NSG2: variants seen among roughly 807,000 people sequenced by gnomAD.
The protein encoded by NSG2 is neuronal vesicle trafficking-associated protein 2.
NSG2 carries 4 observed loss-of-function variants against 16.9 expected under a neutral mutation model. The observed-to-expected ratio is 0.24, with a 90% CI of 0.12 to 0.54. The LOEUF is 0.54. NSG2 is among the 20% of genes least tolerant of loss of function. The pLI is 0.95. For synonymous variants in NSG2, 98 were observed against 88.7 expected, an observed-to-expected ratio of 1.11 and a Z score of -0.59; for missense variants, 179 against 221.1, an observed-to-expected ratio of 0.81 and a Z score of 1.21.
intron 3 of NSG2, among the ~76,000 whole-genome samples, chr5:174,092,889 C>G (rs1424215761): frequency 6.6e-6 from 1 of 152,106 alleles, no homozygotes; most frequent in Non-Finnish European, 1.5e-5. Context: ...AAGATTTAAG[C>G]TGGGATCCAT....
intron 3 of NSG2, among the ~76,000 whole-genome samples, chr5:174,083,945 CA>C (rs1323016779): frequency 7.9e-5 from 12 of 152,252 alleles, no homozygotes; most frequent in Non-Finnish European, 1.6e-4. Flanking sequence ...AGATAGGGGC[CA>C]TTTGTGTGTC....
intron 2 of NSG2, among the ~76,000 whole-genome samples, chr5:174,057,857 C>T (rs28686838): frequency 0.021 from 3,164 of 152,200 alleles, 120 homozygotes; most frequent in African/African-American, 0.072. Flanking sequence ...TATTGTCTCT[C>T]CCTCGATCTA....
In NSG2 at chr5:174,064,235, A is replaced by G; in HGVS notation, c.133A>G (p.Ile45Val). The part of the protein sequence containing the change: ...HLQLPAPEKV[I>V]VKTRTEYQPE... ...ACACACTGGTTGACTCTTTCAGGTG[A>G]TTGTGAAGACAAGAACGGAATATCA... Residue 45 changes from isoleucine to valine, a missense_variant, in exon 3 of 5, where the codon ATT (isoleucine) becomes GTT (valine). Ile to Val is a conservative substitution (Grantham distance 29). Coordinates refer to ENST00000303177, the MANE Select transcript of NSG2 (RefSeq NM_015980.5). The G allele has an allele frequency of 3.1e-6, 5 of 1,607,380 alleles. No individual in the cohort carries two copies. The highest frequency in any genetic ancestry group is 4.3e-6 in the Non-Finnish European group (5 of 1,175,620).
intron 3 of NSG2, among the ~76,000 whole-genome samples, chr5:174,070,485 A>T (rs1760219835): frequency 6.6e-6 from 1 of 151,858 alleles, no homozygotes; most frequent in African/African-American, 2.4e-5. Context: ...CCAAGCTGTG[A>T]CCTTCCTGCC....
intron 3 of NSG2, among the ~76,000 whole-genome samples, chr5:174,101,582 C>T (rs905067092): frequency 3.9e-5 from 6 of 152,222 alleles, no homozygotes. Flanking sequence ...TTCTTTGGCT[C>T]AGCATCACGT....
At chr5:174,059,282 T>C (rs1760013037) in intron 2 of NSG2, among the ~76,000 whole-genome samples, 2 of 152,220 alleles carry the variant, frequency 1.3e-5, no homozygotes, top group Admixed American at 6.5e-5. Flanking sequence ...GTATATGTAG[T>C]ATAGCGGTGA....
At chr5:174,106,882 C>A (rs12514077) in intron 4 of NSG2, among the ~76,000 whole-genome samples, 1 of 151,820 alleles carries the variant, frequency 6.6e-6, no homozygotes, top group African/African-American at 2.4e-5. Context: ...CGTGAGCCAC[C>A]GCATCCGGCA....
intron 4 of NSG2, among the ~76,000 whole-genome samples, chr5:174,105,855 G>A (rs1244491363): frequency 9.9e-5 from 15 of 152,106 alleles, no homozygotes; most frequent in Non-Finnish European, 1.3e-4. Flanking sequence ...AGCCGAGGCC[G>A]CGCCATTGCA....
chr5:174,077,014 A>G (rs570268528), intron 3 of NSG2, among the ~76,000 whole-genome samples: 3 of 152,274 alleles, frequency 2.0e-5, no homozygotes, highest in African/African-American at 7.2e-5. Flanking sequence ...TCTCCCAGAG[A>G]TTTGAAGCCT....
At chr5:174,061,589 A>G (rs562446594) in intron 2 of NSG2, among the ~76,000 whole-genome samples, 127 of 152,150 alleles carry the variant, frequency 8.3e-4, no homozygotes, top group Non-Finnish European at 1.4e-3. Context: ...GGAAACTTCT[A>G]TTCATCTTCC....
chr5:174,090,937 C>A (rs1760711759), intron 3 of NSG2, among the ~76,000 whole-genome samples: 1 of 152,178 alleles, frequency 6.6e-6, no homozygotes, highest in African/African-American at 2.4e-5. Flanking sequence ...CACTGGAATG[C>A]CTAGCAGTGC....
intron 2 of NSG2, among the ~76,000 whole-genome samples, chr5:174,059,551 CAT>C (rs1213060513): frequency 3.3e-5 from 5 of 152,142 alleles, no homozygotes; most frequent in Admixed American, 6.5e-5. Flanking sequence ...TCTTGGAAGA[CAT>C]GTGTATCAGA....
chr5:174,070,902 C>T (rs1760227906), intron 3 of NSG2, among the ~76,000 whole-genome samples: 1 of 152,218 alleles, frequency 6.6e-6, no homozygotes, highest in Non-Finnish European at 1.5e-5. Flanking sequence ...ATGGAGCAGG[C>T]TTTGGGTGTG....
chr5:174,086,595 T>C (rs935613905), intron 3 of NSG2: 2 of 152,260 alleles, frequency 1.3e-5, no homozygotes, highest in Non-Finnish European at 2.9e-5. Flanking sequence ...CCAGGCCAGG[T>C]TGGCTCCTTT....
At chr5:174,065,808 T>G (rs1366075064) in intron 3 of NSG2, among the ~76,000 whole-genome samples, 3 of 152,214 alleles carry the variant, frequency 2.0e-5, no homozygotes, top group Non-Finnish European at 4.4e-5. Context: ...TTATCCTAGC[T>G]GTGTGGCCAC....
intron 2 of NSG2, among the ~76,000 whole-genome samples, chr5:174,061,493 G>A (rs1760050537): frequency 6.6e-6 from 1 of 152,240 alleles, no homozygotes; most frequent in Non-Finnish European, 1.5e-5. Flanking sequence ...GCAAGTTCTT[G>A]TAGATCACAT....
chr5:174,066,288 A>G lies in NSG2; in HGVS notation c.213+1973A>G, dbSNP rs139217590. On this transcript the variant is annotated intron_variant, in intron 3 of 4. Transcript: ENST00000303177. ...CTTGCAGGAATAAGCAGGTACCTGCATGAATGAGCACAGAGCTTGCAGGAG... is the reference window on the plus strand; with the variant it reads ...CTTGCAGGAATAAGCAGGTACCTGCGTGAATGAGCACAGAGCTTGCAGGAG... 4.7e-4 allele frequency: 215 copies of G among 456,034 alleles called. 1 individual carries two copies. The highest frequency in any genetic ancestry group is 3.8e-3 in the African/African-American group (192 of 50,204). The allele number at this position is 456,034 out of a possible 1,614,324, so 28.2% of individuals were successfully genotyped here. A position where few individuals can be genotyped will look rare whatever the true frequency, so the allele number is the denominator to read the frequency against.
intron 3 of NSG2, among the ~76,000 whole-genome samples, chr5:174,080,512 C>CCTCTTTCTTTCTTTCT (rs1760433255): frequency 1.1e-5 from 1 of 93,566 alleles, no homozygotes; most frequent in African/African-American, 4.4e-5. Context: ...TCTTTCTTTC[C>CCTCTTTCTTTCTTTCT]CTCTTTCTTT....
intron 2 of NSG2, among the ~76,000 whole-genome samples, chr5:174,054,803 A>G (rs1001887558): frequency 4.6e-5 from 7 of 152,200 alleles, no homozygotes; most frequent in Admixed American, 1.3e-4. Flanking sequence ...CTCTCTGTAC[A>G]GGGAGGTGTC....
Sources: gnomAD v4.1 joint callset for allele counts (sites outside exome capture counted in the v4.1 genomes callset) on GRCh38, gnomAD v4.1.1 for gene constraint, MANE v1.5 for transcripts, NCBI Gene and HGNC (gene_info 2026-07-23, HGNC 2026-07-21) for gene names.